Variants in TET3 observed in about 807,000 individuals in gnomAD.
TET3 encodes the protein methylcytosine dioxygenase TET3.
Under a neutral mutation model 141.4 loss-of-function variants are expected in TET3, and 19 were observed. The ratio of observed to expected loss-of-function variants is 0.13; its 90% CI spans 0.09 to 0.20. The LOEUF (loss-of-function observed/expected upper bound fraction) is 0.20, where lower values mean the gene tolerates loss of function less well. TET3 is among the 10% of genes least tolerant of loss of function. TET3 has a pLI of 1.00. For missense variants in TET3, 1,874 were observed against 2,356.9 expected (o/e 0.80, Z 4.24); for synonymous variants, 1,043 against 980.9 (o/e 1.06, Z -1.18).
intron 3 of TET3, among the ~76,000 whole-genome samples, chr2:74,019,998 G>C (rs1685949658): frequency 6.6e-6 from 1 of 152,186 alleles, no homozygotes; most frequent in African/African-American, 2.4e-5. Flanking sequence ...CATCAAGGCT[G>C]GAAGCAGAGC....
chr2:74,069,249 A>G (rs951044091), intron 4 of TET3, among the ~76,000 whole-genome samples: 6 of 151,424 alleles, frequency 4.0e-5, no homozygotes, highest in Admixed American at 1.3e-4. Flanking sequence ...AACACTACAC[A>G]TTGAAAGTTT....
intron 2 of TET3, among the ~76,000 whole-genome samples, chr2:73,996,164 G>A (rs932065412): frequency 5.9e-5 from 9 of 152,164 alleles, no homozygotes; most frequent in African/African-American, 1.9e-4. Context: ...AAGGCAGTGT[G>A]GTGACTGGGC....
chr2:74,025,491 G>C (rs1686292919), intron 3 of TET3, among the ~76,000 whole-genome samples: 1 of 151,850 alleles, frequency 6.6e-6, no homozygotes, highest in South Asian at 2.1e-4. Context: ...GTTTCACCTT[G>C]TTAGCCAGGA....
rs535790078 is a variant in TET3 at position 74,017,857 on chromosome 2, C to T, written c.360+14691C>T. ...CTGTACTAATTTACATTCCCACCAA[C>T]AGTCTGTAAGAGTTCCCCTTTCTCC... is the stretch of plus-strand genomic sequence containing the variant. On this transcript the variant is annotated intron_variant, in intron 3 of 11. Coordinates refer to ENST00000409262, the MANE Select transcript of TET3 (RefSeq NM_001287491.2). 3.8e-4 allele frequency among the ~76,000 whole-genome samples: 58 copies of T among 152,156 alleles called. 1 individual carries two copies. In the South Asian group the frequency reaches 0.012, roughly 31 times the overall value.
intron 3 of TET3, among the ~76,000 whole-genome samples, chr2:74,014,187 C>G (rs373188587): frequency 3.9e-5 from 6 of 152,226 alleles, no homozygotes; most frequent in African/African-American, 1.2e-4. Flanking sequence ...TTTGGTATGT[C>G]CTTTTTTCTG....
At chr2:74,021,202 C>T (rs1353488625) in intron 3 of TET3, among the ~76,000 whole-genome samples, 2 of 152,176 alleles carry the variant, frequency 1.3e-5, no homozygotes, top group Non-Finnish European at 2.9e-5. Context: ...CCCATGAGGC[C>T]CCAGCTGCAT....
chr2:74,028,358 C>T (rs1686493335), intron 3 of TET3, among the ~76,000 whole-genome samples: 1 of 151,178 alleles, frequency 6.6e-6, no homozygotes, highest in East Asian at 2.0e-4. Context: ...TACAGTTTAT[C>T]TTTTTTCTTT....
intron 3 of TET3, among the ~76,000 whole-genome samples, chr2:74,011,317 A>G (rs1273835152): frequency 6.6e-6 from 1 of 152,070 alleles, no homozygotes; most frequent in African/African-American, 2.4e-5. Flanking sequence ...GAATTTTCAG[A>G]GTAAATGCCT....
rs868619344 is a variant in TET3, at chr2:74,107,695, T to C, written c.*5519T>C. Reference sequence around the variant, plus strand: ...TGATGTGTTTTATTTCTTATCTCTTTGAATTCCTGTTTGGTTACTTGGCTT... The same window carrying C: ...TGATGTGTTTTATTTCTTATCTCTTCGAATTCCTGTTTGGTTACTTGGCTT... On this transcript the variant is annotated 3_prime_UTR_variant, in exon 12 of 12. Transcript: ENST00000409262. The C allele has an allele frequency of 2.0e-5, 3 of 152,224 alleles. No individual in the cohort carries two copies. The highest frequency in any genetic ancestry group is 4.1e-4 in the South Asian group (2 of 4,834). The allele number at this position is 152,224 out of a possible 1,614,324, so 9.4% of individuals were successfully genotyped here. A position where few individuals can be genotyped will look rare whatever the true frequency, so the allele number is the denominator to read the frequency against.
At position 74,084,363 on chromosome 2, in the gene TET3, C is replaced by T. The variant is rs188898501; in HGVS notation, c.2680-3467C>T. ...AGAAAGTAGGCTGGGCGCAGTGGCT[C>T]ACGCCTGTAATCCCAGCACTTAGGG... On this transcript the variant is annotated intron_variant, in intron 6 of 11. Coordinates refer to ENST00000409262, the MANE Select transcript of TET3 (RefSeq NM_001287491.2). Among the ~76,000 whole-genome samples the T allele has an allele frequency of 1.1e-4, 16 of 152,260 alleles. No homozygotes were observed. In the East Asian group the frequency reaches 3.1e-3, roughly 29 times the overall value.
At chr2:74,039,019 TG>T (rs1001269706) in intron 3 of TET3, among the ~76,000 whole-genome samples, 52 of 152,326 alleles carry the variant, frequency 3.4e-4, no homozygotes, top group African/African-American at 1.3e-3. Context: ...GTTACTAATC[TG>T]GACAGTTGCA....
At chr2:74,028,600 G>C (rs1186945459) in intron 3 of TET3, among the ~76,000 whole-genome samples, 2 of 152,114 alleles carry the variant, frequency 1.3e-5, no homozygotes, top group Admixed American at 1.3e-4. Flanking sequence ...TCACTGTTTT[G>C]TAGATGTTTA....
intron 4 of TET3, among the ~76,000 whole-genome samples, chr2:74,051,168 AG>A (rs1452008223): frequency 6.6e-6 from 1 of 152,202 alleles, no homozygotes; most frequent in African/African-American, 2.4e-5. Context: ...GGATGTTGCA[AG>A]GGTGACCTGA....
At chr2:74,076,726 G>T (rs1689536246) in intron 5 of TET3, among the ~76,000 whole-genome samples, 2 of 151,760 alleles carry the variant, frequency 1.3e-5, no homozygotes, top group South Asian at 4.2e-4. Context: ...CAAATCCCCT[G>T]GGTAGGGGTC....
intron 3 of TET3, among the ~76,000 whole-genome samples, chr2:74,005,290 C>T (rs1404070110): frequency 1.3e-5 from 2 of 152,230 alleles, no homozygotes; most frequent in East Asian, 1.9e-4. Flanking sequence ...ACAAGTCTTT[C>T]TCCTTCCGCC....
At chr2:74,099,686 C>T (rs1553436167) in intron 11 of TET3, 74 bp downstream of exon 11, 2 of 1,391,068 alleles carry the variant, frequency 1.4e-6, no homozygotes, top group South Asian at 1.4e-5. Flanking sequence ...CTTCCACGCA[C>T]CCTCCTGCAT....
At chr2:74,012,468 C>G (rs1230930214) in intron 3 of TET3, among the ~76,000 whole-genome samples, 1 of 152,212 alleles carries the variant, frequency 6.6e-6, no homozygotes, top group African/African-American at 2.4e-5. Flanking sequence ...ATAGTTCTCT[C>G]TTAGTTTTCA....
upstream of TET3, among the ~76,000 whole-genome samples, chr2:73,984,360 C>T (rs1683888816): frequency 6.6e-6 from 1 of 152,230 alleles, no homozygotes; most frequent in Non-Finnish European, 1.5e-5. This position sits in a 1 kb window ranked among gnomAD's most constrained non-coding sequence, Gnocchi z 5.6. Flanking sequence ...CCCCGAGCAA[C>T]CCCTTCTTGC....
Position 74,100,863 on chromosome 2 carries a change from C to T in TET3, c.4075C>T (p.Pro1359Ser), listed in dbSNP as rs1202107994. 1 of 1,611,382 alleles carries T rather than the reference C, an allele frequency of 6.2e-7. No individual in the cohort carries two copies. Among genetic ancestry groups the T allele is most frequent in the Non-Finnish European group, 8.5e-7 (1 of 1,178,912 alleles). ...AHHPTPHHQQ[P>S]AYPGPKEYLL... is the part of the protein sequence containing the mutation. Reference sequence around the variant, plus strand: ...CCACCCCACTCCTCACCACCAGCAGCCTGCGTACCCAGGCCCCAAGGAGTA... The same window carrying T: ...CCACCCCACTCCTCACCACCAGCAGTCTGCGTACCCAGGCCCCAAGGAGTA... Residue 1359 changes from proline to serine, a missense_variant, in exon 12 of 12, where the codon CCT (proline) becomes TCT (serine). Around this residue, in one of 10 missense-constraint regions of TET3, gnomAD observed 602 missense variants for 590.2 expected, o/e 1.02. Transcript: ENST00000409262.
Sources: gnomAD v4.1 joint callset for allele counts (sites outside exome capture counted in the v4.1 genomes callset) on GRCh38, gnomAD v4.1.1 for gene constraint, gnomAD v4.1.1 regional missense constraint, Gnocchi (gnomAD v3.1) non-coding constraint, MANE v1.5 for transcripts, NCBI Gene and HGNC (gene_info 2026-07-23, HGNC 2026-07-21) for gene names.